Variants in PLD5 observed in about 807,000 individuals in gnomAD.
PLD5 encodes the protein inactive phospholipase D5.
A neutral mutation model predicts 61.1 loss-of-function variants in PLD5; 36 were observed. The observed-to-expected ratio is 0.59, with a 90% CI of 0.45 to 0.78. The LOEUF (loss-of-function observed/expected upper bound fraction) is 0.78. Among genes scored for constraint, PLD5 ranks in the 30% least tolerant of loss-of-function variants. The pLI, the probability that PLD5 is intolerant of heterozygous loss-of-function variation, is 0.00. For missense variants in PLD5, 515 were observed against 644.4 expected (o/e 0.80, Z 2.17); for synonymous variants, 243 against 242.8 (o/e 1.00, Z -0.01).
chr1:242,395,055 A>ATATATGTATATATGAATG (rs1663469415), intron 1 of PLD5, among the ~76,000 whole-genome samples: 3 of 95,620 alleles, frequency 3.1e-5, no homozygotes, highest in East Asian at 2.5e-4. Context: ...ATATATGAAT[A>ATATATGTATATATGAATG]TATATGTATA....
At chr1:242,263,236 T>C (rs1054967949) in intron 4 of PLD5, among the ~76,000 whole-genome samples, 1 of 151,792 alleles carries the variant, frequency 6.6e-6, no homozygotes, top group African/African-American at 2.4e-5. Flanking sequence ...ATTTGATTAG[T>C]TTCTATATTC....
the PLD5 span, among the ~76,000 whole-genome samples, chr1:242,529,778 T>TCTTCCTTCCTTCCTTCCTTCCTTCTTTC: frequency 5.6e-3 from 721 of 129,862 alleles, 11 homozygotes; most frequent in East Asian, 0.039. Flanking sequence ...GGCACTGGGA[T>TCTTCCTTCCTTCCTTCCTTCCTTCTTTC]CTTCCTTCCT....
chr1:242,239,395 G>C (rs1165874655), intron 4 of PLD5, among the ~76,000 whole-genome samples: 2 of 152,108 alleles, frequency 1.3e-5, no homozygotes, highest in Non-Finnish European at 2.9e-5. Context: ...GAGTTACCTT[G>C]CATAATTCAA....
chr1:242,356,320 CTTCT>C (rs1660751395), intron 1 of PLD5, among the ~76,000 whole-genome samples: 3 of 151,328 alleles, frequency 2.0e-5, no homozygotes, highest in Non-Finnish European at 1.5e-5. Flanking sequence ...ATATAATGCC[CTTCT>C]TTGTCTTTTT....
At chr1:242,317,327 G>T (rs1198227296) in intron 2 of PLD5, among the ~76,000 whole-genome samples, 3 of 152,100 alleles carry the variant, frequency 2.0e-5, no homozygotes, top group Admixed American at 2.0e-4. Flanking sequence ...CACTATTGAT[G>T]AACATTTAGG....
intron 9 of PLD5, 116 bp downstream of exon 9, chr1:242,100,552 C>T (rs1660600787): frequency 2.8e-6 from 2 of 711,834 alleles, no homozygotes; most frequent in Admixed American, 4.8e-5. Flanking sequence ...TCCCCTCATT[C>T]ACCAGCAGTG....
In PLD5 at chr1:242,085,783, A is replaced by C. The variant is rs1169998621; in HGVS notation, c.*4071T>G. On this transcript the variant is annotated 3_prime_UTR_variant, in exon 10 of 10. Coordinates refer to ENST00000536534, the MANE Select transcript of PLD5 (RefSeq NM_001372062.1). ...TTTCATTATAGGAAGTGGCTGTTCT[A>C]TGCAAGTAATGGCAGCGTTTTACAT... is the stretch of plus-strand genomic sequence containing the variant. The C allele has an allele frequency of 6.6e-6, 1 of 152,206 alleles. No individual in the cohort carries two copies. The highest frequency in any genetic ancestry group is 1.5e-5 in the Non-Finnish European group (1 of 68,030). The allele number at this position is 152,206 out of a possible 1,614,324, so 9.4% of individuals were successfully genotyped here.
intron 5 of PLD5, among the ~76,000 whole-genome samples, chr1:242,154,384 A>C (rs1665179115): frequency 1.3e-5 from 2 of 152,132 alleles, no homozygotes; most frequent in South Asian, 4.1e-4. Context: ...ACTATGTTGA[A>C]TAGGAGTGGT....
At chr1:242,136,176 A>C (rs952872157) in intron 5 of PLD5, among the ~76,000 whole-genome samples, 1 of 152,178 alleles carries the variant, frequency 6.6e-6, no homozygotes, top group African/African-American at 2.4e-5. Flanking sequence ...TCTAACCTGC[A>C]TTTTCCATTC....
At chr1:242,311,134 G>T (rs1308869039) in intron 2 of PLD5, among the ~76,000 whole-genome samples, 1 of 150,862 alleles carries the variant, frequency 6.6e-6, no homozygotes, top group African/African-American at 2.4e-5. Context: ...ACACTAAGCA[G>T]GATAAACAAA....
chr1:242,393,675 T>TATATATGTGTATATATATGAGC (rs1663125172), intron 1 of PLD5, among the ~76,000 whole-genome samples: 1 of 66,990 alleles, frequency 1.5e-5, no homozygotes, highest in South Asian at 6.1e-4. Context: ...TATATATGAG[T>TATATATGTGTATATATATGAGC]ATATATGTGT....
chr1:242,215,198 C>A (rs984874841), intron 5 of PLD5, among the ~76,000 whole-genome samples: 2 of 150,144 alleles, frequency 1.3e-5, no homozygotes, highest in Non-Finnish European at 3.0e-5. Flanking sequence ...TATACATCTT[C>A]TTTTAACTTT....
At chr1:242,378,579 A>T (rs934659549) in intron 1 of PLD5, among the ~76,000 whole-genome samples, 1 of 152,148 alleles carries the variant, frequency 6.6e-6, no homozygotes, top group African/African-American at 2.4e-5. Context: ...GGTGGCTTGC[A>T]CCTGTAATCC....
intron 1 of PLD5, among the ~76,000 whole-genome samples, chr1:242,348,985 C>T (rs1333734767): frequency 6.6e-6 from 1 of 152,126 alleles, no homozygotes; most frequent in African/African-American, 2.4e-5. Flanking sequence ...ACCTGGGAGG[C>T]GGAGCTTGCA....
chr1:242,306,827 G>T (rs1480820799), intron 2 of PLD5, among the ~76,000 whole-genome samples: 2 of 151,556 alleles, frequency 1.3e-5, no homozygotes, highest in East Asian at 1.9e-4. Flanking sequence ...GTAGGTACAG[G>T]TGCTAAAAAC....
intron 1 of PLD5, among the ~76,000 whole-genome samples, chr1:242,487,910 C>T (rs956855722): frequency 1.6e-4 from 24 of 151,966 alleles, no homozygotes; most frequent in Admixed American, 5.9e-4. Flanking sequence ...ATTGTATGTA[C>T]ATGTATGTAT....
rs753944361 is a variant in PLD5, at chr1:242,524,230, C to A, written c.47G>T (p.Gly16Val). The A allele has an allele frequency of 3.9e-6, 6 of 1,527,254 alleles. No homozygotes were observed. The highest frequency in any genetic ancestry group is 2.0e-5 in the Admixed American group (1 of 50,382). The allele number at this position is 1,527,254 out of a possible 1,614,324, so 94.6% of individuals were successfully genotyped here. The change falls in exon 1 of 10, where the codon GGC becomes GTC. Residue 16 changes from glycine (G) to valine (V), a missense_variant. By Grantham distance (109) the Gly-to-Val change is moderately radical. Coordinates refer to ENST00000536534, the MANE Select transcript of PLD5 (RefSeq NM_001372062.1). ...GCTTTTGAGCCTCATCTGCTCGAAG[C>A]CCTCATGGGGGGAGGCCGAGAGCCA... ...HEWLSASPHE[G>V]FEQMRLKSRP...
intron 7 of PLD5, among the ~76,000 whole-genome samples, chr1:242,112,449 T>A (rs1661606852): frequency 6.6e-6 from 1 of 152,080 alleles, no homozygotes; most frequent in Non-Finnish European, 1.5e-5. Context: ...TTCTCCTGCC[T>A]CAGCCACCTG....
At chr1:242,192,453 A>G (rs1271324332) in intron 5 of PLD5, 3 of 152,058 alleles carry the variant, frequency 2.0e-5, no homozygotes, top group African/African-American at 4.8e-5. Flanking sequence ...ATATTTCTTA[A>G]CTCTAATTTA....
Sources: gnomAD v4.1 joint callset for allele counts (sites outside exome capture counted in the v4.1 genomes callset) on GRCh38, gnomAD v4.1.1 for gene constraint, MANE v1.5 for transcripts, NCBI Gene and HGNC (gene_info 2026-07-23, HGNC 2026-07-21) for gene names.